The following BTBD8 variants were observed in gnomAD, a reference collection of about 807,000 sequenced individuals.
BTBD8 encodes BTB/POZ domain-containing protein 8.
In BTBD8, 110 loss-of-function variants were observed where a neutral mutation model predicts 162.9. The ratio of observed to expected loss-of-function variants is 0.68; its 90% confidence interval spans 0.58 to 0.79. BTBD8 has a LOEUF of 0.79. Among genes scored for constraint, BTBD8 ranks in the 30% least tolerant of loss-of-function variants. BTBD8 has a pLI of 0.00. For missense variants in BTBD8, 1,905 were observed against 2,085.4 expected (o/e 0.91, Z 1.68); for synonymous variants, 667 against 716.1 (o/e 0.93, Z 1.10).
chr1:92,174,015 T>A (rs1570757776), intron 13 of BTBD8, among the ~76,000 whole-genome samples: 1 of 152,296 alleles, frequency 6.6e-6, no homozygotes, highest in Admixed American at 6.5e-5. Flanking sequence ...AGAAGAATGC[T>A]TAGTACCAAA....
At chr1:92,180,170 T>C in intron 16 of BTBD8, 95 bp from the exon 17 acceptor site, 1 of 891,764 alleles carries the variant, frequency 1.1e-6, no homozygotes, top group African/African-American at 1.7e-5. Context: ...CTTGATTTTA[T>C]TTTTTCTGAA....
In BTBD8 at chr1:92,184,479, A is replaced by G. The variant is rs143468662; in HGVS notation, c.*149A>G. 1.7e-4 allele frequency: 81 copies of G among 487,264 alleles called. No homozygotes were observed. The highest frequency in any genetic ancestry group is 1.4e-3 in the African/African-American group (71 of 51,416). The allele number at this position is 487,264 out of a possible 1,614,324, so 30.2% of individuals were successfully genotyped here. A position where few individuals can be genotyped will look rare whatever the true frequency, so the allele number is the denominator to read the frequency against. Reference sequence around the variant, plus strand: ...AGGTAAACATAGTTTATTTATTAATATATCACATATAGAAAAATGTTTTTC... The same window carrying G: ...AGGTAAACATAGTTTATTTATTAATGTATCACATATAGAAAAATGTTTTTC... On this transcript the variant is annotated 3_prime_UTR_variant, in exon 18 of 18. Transcript: ENST00000636805.
intron 1 of BTBD8, among the ~76,000 whole-genome samples, chr1:92,083,797 A>G (rs1485333932): frequency 6.6e-6 from 1 of 152,222 alleles, no homozygotes; most frequent in Non-Finnish European, 1.5e-5. Flanking sequence ...GGCAGTGGAA[A>G]TGGAACAATT....
At chr1:92,096,090 G>A (rs998701843) in intron 2 of BTBD8, among the ~76,000 whole-genome samples, 1 of 151,824 alleles carries the variant, frequency 6.6e-6, no homozygotes, top group African/African-American at 2.4e-5. Context: ...TTGTGCCTCA[G>A]TCTCACAAGT....
At position 92,088,724 on chromosome 1, in the gene BTBD8, A is replaced by G. The variant is rs141744738; in HGVS notation, c.176A>G (p.Asp59Gly). The G allele has an allele frequency of 2.5e-6, 4 of 1,610,682 alleles. No homozygotes were observed. The highest frequency in any genetic ancestry group is 2.5e-6 in the Non-Finnish European group (3 of 1,178,244). Residue 59 changes from aspartate (D) to glycine (G), a missense_variant, in exon 2 of 18, where the codon GAT becomes GGT. Coordinates refer to ENST00000636805, the MANE Select transcript of BTBD8 (RefSeq NM_001376131.1). Reference protein sequence around the residue: ...LRLLREEFHTDVTFSVGCTLF... With the variant: ...LRLLREEFHTGVTFSVGCTLF... ...CTTCTAAGGGAAGAATTCCATACAG[A>G]TGTTACCTTCTCTGTGGGTTGTACT...
rs375707759 is a variant in BTBD8 at position 92,115,013 on chromosome 1, A to G, written c.662+7012A>G. The G allele has an allele frequency of 7.0e-5, 21 of 299,606 alleles. No individual in the cohort carries two copies. The East Asian group carries it at 9.7e-4, about 14-fold the overall frequency. 18.6% of individuals were successfully genotyped at this position (299,606 alleles called of 1,614,324 possible). On this transcript the variant is annotated intron_variant, in intron 4 of 17. Coordinates refer to ENST00000636805, the MANE Select transcript of BTBD8 (RefSeq NM_001376131.1). ...CAGATGCCCTTGAGGGCCCCCTCTG[A>G]TGCTGCTTTACCACCTTGATGTCAT...
intron 9 of BTBD8, among the ~76,000 whole-genome samples, chr1:92,166,488 G>A (rs1461541044): frequency 4.8e-5 from 7 of 145,112 alleles, no homozygotes; most frequent in African/African-American, 1.0e-4. Context: ...GCAGTGGTGC[G>A]ATCTCAGCTC....
chr1:92,084,335 C>T (rs1428192558), intron 1 of BTBD8, among the ~76,000 whole-genome samples: 2 of 152,158 alleles, frequency 1.3e-5, no homozygotes, highest in Non-Finnish European at 2.9e-5. Flanking sequence ...TGTAGGCATA[C>T]ACTTAAAATG....
intron 4 of BTBD8, among the ~76,000 whole-genome samples, chr1:92,123,724 C>T (rs1202089077): frequency 6.8e-6 from 1 of 146,742 alleles, no homozygotes; most frequent in Non-Finnish European, 1.5e-5. Context: ...TTGCAGTGAG[C>T]CAAGATCGCG....
intron 2 of BTBD8, among the ~76,000 whole-genome samples, chr1:92,098,386 A>G (rs989444181): frequency 3.4e-4 from 51 of 152,178 alleles, no homozygotes; most frequent in Non-Finnish European, 3.5e-4. Context: ...TGCTATGAAC[A>G]TTTATATATA....
At chr1:92,173,011 C>T (rs753352913) in intron 13 of BTBD8, among the ~76,000 whole-genome samples, 4 of 152,116 alleles carry the variant, frequency 2.6e-5, no homozygotes, top group Non-Finnish European at 5.9e-5. Context: ...CCACAACCTC[C>T]GCCTCCCAGG....
chr1:92,159,479 T>G (rs1218191141), intron 9 of BTBD8, among the ~76,000 whole-genome samples: 1 of 152,152 alleles, frequency 6.6e-6, no homozygotes, highest in Non-Finnish European at 1.5e-5. Flanking sequence ...GCCTGCCTTA[T>G]ATATTTTCCT....
intron 9 of BTBD8, among the ~76,000 whole-genome samples, chr1:92,165,031 G>A (rs1053460562): frequency 2.0e-5 from 3 of 150,020 alleles, no homozygotes; most frequent in Non-Finnish European, 3.0e-5. Context: ...TGAAGCAGGA[G>A]AATCACTTGA....
At chr1:92,173,012 G>A (rs575302376) in intron 13 of BTBD8, among the ~76,000 whole-genome samples, 42 of 152,156 alleles carry the variant, frequency 2.8e-4, no homozygotes, top group African/African-American at 9.1e-4. Flanking sequence ...CACAACCTCC[G>A]CCTCCCAGGT....
intron 13 of BTBD8, among the ~76,000 whole-genome samples, chr1:92,173,999 G>A (rs1022367318): frequency 2.0e-5 from 3 of 152,002 alleles, no homozygotes; most frequent in Admixed American, 6.6e-5. Flanking sequence ...TTCATAGAGC[G>A]ATTTAAGAAG....
chr1:92,083,442 CT>C (rs1410805878), intron 1 of BTBD8, among the ~76,000 whole-genome samples: 2 of 152,116 alleles, frequency 1.3e-5, no homozygotes, highest in African/African-American at 4.8e-5. Context: ...AGTGGCTAAC[CT>C]TGGTTTAGCC....
chr1:92,097,547 C>G (rs1221317777), intron 2 of BTBD8, among the ~76,000 whole-genome samples: 1 of 152,190 alleles, frequency 6.6e-6, no homozygotes, highest in East Asian at 1.9e-4. Context: ...CCCCTATTTC[C>G]TCCTTCAGCC....
intron 4 of BTBD8, among the ~76,000 whole-genome samples, chr1:92,124,852 G>A (rs1046204588): frequency 1.3e-5 from 2 of 152,104 alleles, no homozygotes; most frequent in Admixed American, 1.3e-4. Context: ...ATCCTTTCTT[G>A]AACATAATTA....
chr1:92,181,050 G>A lies in BTBD8; in HGVS notation c.3367G>A (p.Asp1123Asn). ...TGCAGGGCAAATCCATTTGATATCAGATAGGGAGAACCAAGTAGGGAGAAA... is the reference window on the plus strand; with the variant it reads ...TGCAGGGCAAATCCATTTGATATCAAATAGGGAGAACCAAGTAGGGAGAAA... ...TSAGQIHLIS[D>N]RENQVGRKDT... Residue 1123 changes from aspartate (D) to asparagine (N), a missense_variant, in exon 17 of 18, where the codon GAT becomes AAT. By Grantham distance (23) the Asp-to-Asn change is conservative (BLOSUM62 1). This residue lies in a region of BTBD8 where 1,374 missense variants were observed against 1,442.7 expected (regional missense o/e 0.95). Transcript: ENST00000636805. The A allele has an allele frequency of 6.4e-7, 1 of 1,551,824 alleles. No individual in the cohort carries two copies. Among genetic ancestry groups the A allele is most frequent in the Non-Finnish European group, 8.7e-7 (1 of 1,147,004 alleles).
Sources: gnomAD v4.1 joint callset for allele counts (sites outside exome capture counted in the v4.1 genomes callset) on GRCh38, gnomAD v4.1.1 for gene constraint, gnomAD v4.1.1 regional missense constraint, MANE v1.5 for transcripts, NCBI Gene and HGNC (gene_info 2026-07-23, HGNC 2026-07-21) for gene names.